Variants in DCDC2C observed in about 807,000 individuals in gnomAD.
The protein encoded by DCDC2C is doublecortin domain-containing protein 2C.
A neutral mutation model predicts 45.0 loss-of-function variants in DCDC2C; 44 were observed. That is an observed-to-expected ratio of 0.98 (90% CI 0.77 to 1.26). The LOEUF is 1.26. Among genes scored for constraint, DCDC2C ranks in the 50% most tolerant of loss-of-function variants. DCDC2C has a pLI of 0.00. For synonymous variants in DCDC2C, 187 were observed against 178.8 expected, an observed-to-expected ratio of 1.05 and a Z score of -0.37; for missense variants, 447 against 468.9, an observed-to-expected ratio of 0.95 and a Z score of 0.43.
intron 2 of DCDC2C, among the ~76,000 whole-genome samples, chr2:3,721,375 GA>G (rs772769261): frequency 1.3e-5 from 2 of 152,140 alleles, no homozygotes; most frequent in Non-Finnish European, 2.9e-5. Flanking sequence ...GAATATATGA[GA>G]GTTGATCAAA....
chr2:3,754,410 C>T (rs1002659166), intron 5 of DCDC2C, among the ~76,000 whole-genome samples, 182 bp from the exon 6 acceptor site: 6 of 152,184 alleles, frequency 3.9e-5, no homozygotes, highest in African/African-American at 1.4e-4. Context: ...TGAACAGATT[C>T]CTGGGGCGTT....
intron 3 of DCDC2C, among the ~76,000 whole-genome samples, chr2:3,741,714 T>TAC (rs939307184): frequency 1.3e-5 from 2 of 149,240 alleles, no homozygotes; most frequent in Admixed American, 1.3e-4. Context: ...CACATAGGTA[T>TAC]ACACACACGC....
chr2:3,782,888 G>A (rs889881414), intron 9 of DCDC2C, among the ~76,000 whole-genome samples: 85 of 152,336 alleles, frequency 5.6e-4, no homozygotes, highest in Non-Finnish European at 5.0e-4. Context: ...AAAGCAATGC[G>A]TAATGGTTTT....
At chr2:3,842,562 G>C (rs575893062) in intron 10 of DCDC2C, among the ~76,000 whole-genome samples, 1 of 150,636 alleles carries the variant, frequency 6.6e-6, no homozygotes, top group Non-Finnish European at 1.5e-5. Context: ...GGAATAGTAT[G>C]TGAGGAAGAT....
chr2:3,835,218 G>A (rs79519270), intron 10 of DCDC2C, among the ~76,000 whole-genome samples: 63 of 152,308 alleles, frequency 4.1e-4, no homozygotes, highest in Non-Finnish European at 5.9e-4. Flanking sequence ...AATGCGGGGC[G>A]TTCCCTTACT....
intron 2 of DCDC2C, among the ~76,000 whole-genome samples, chr2:3,715,499 A>G (rs974912511): frequency 2.0e-5 from 3 of 152,194 alleles, no homozygotes; most frequent in Non-Finnish European, 2.9e-5. Flanking sequence ...TGCTCAGTTA[A>G]TGGGTATGGC....
At chr2:3,842,394 T>G (rs1017240340) in intron 10 of DCDC2C, among the ~76,000 whole-genome samples, 1 of 150,798 alleles carries the variant, frequency 6.6e-6, no homozygotes, top group Non-Finnish European at 1.5e-5. Flanking sequence ...GAAAATGAAT[T>G]GGGAAGGGCT....
At chr2:3,813,066 TA>T (rs59516069) in intron 10 of DCDC2C, among the ~76,000 whole-genome samples, 203 of 29,306 alleles carry the variant, frequency 6.9e-3, no homozygotes, top group African/African-American at 0.037. Context: ...TATATATATA[TA>T]TTTTTTTTTT....
At chr2:3,775,002 T>C (rs1412109911) in intron 8 of DCDC2C, among the ~76,000 whole-genome samples, 1 of 151,970 alleles carries the variant, frequency 6.6e-6, no homozygotes, top group Non-Finnish European at 1.5e-5. Flanking sequence ...GGACCTCAGG[T>C]GATTCACCTG....
chr2:3,733,771 C>T (rs955184054), intron 3 of DCDC2C, among the ~76,000 whole-genome samples: 1 of 152,158 alleles, frequency 6.6e-6, no homozygotes, highest in Non-Finnish European at 1.5e-5. Flanking sequence ...GGCCTCACCT[C>T]TTAATGCTTT....
intron 10 of DCDC2C, among the ~76,000 whole-genome samples, chr2:3,827,335 T>G (rs974244432): frequency 6.6e-6 from 1 of 151,832 alleles, no homozygotes; most frequent in South Asian, 2.1e-4. Context: ...GGGGGTCCAC[T>G]TGGTGTGTTG....
Position 3,759,734 on chromosome 2 carries a change from T to C in DCDC2C, c.726+5100T>C, listed in dbSNP as rs1025060055. On this transcript the variant is annotated intron_variant, in intron 6 of 10. Coordinates refer to ENST00000399143, the MANE Select transcript of DCDC2C (RefSeq NM_001287444.2). ...GAGAGATAATATCCATGCATAAAAGTATTTTCGATGTCAAGTCAAATTCCT... is the reference window on the plus strand; with the variant it reads ...GAGAGATAATATCCATGCATAAAAGCATTTTCGATGTCAAGTCAAATTCCT... 3.9e-5 allele frequency among the ~76,000 whole-genome samples: 6 copies of C among 152,196 alleles called. No individual in the cohort carries two copies. In the South Asian group the frequency reaches 6.2e-4, roughly 16 times the overall value.
chr2:3,813,174 C>T (rs184789753), intron 10 of DCDC2C, among the ~76,000 whole-genome samples: 2 of 151,392 alleles, frequency 1.3e-5, no homozygotes, highest in East Asian at 1.9e-4. Flanking sequence ...CGGGTTCAAG[C>T]GATTCCCTTT....
intron 10 of DCDC2C, among the ~76,000 whole-genome samples, chr2:3,835,771 T>A (rs918403652): frequency 2.6e-5 from 4 of 151,968 alleles, no homozygotes; most frequent in African/African-American, 9.7e-5. Flanking sequence ...CGAGACAGCA[T>A]CTGACTCTGT....
chr2:3,825,905 A>T (rs190242816), intron 10 of DCDC2C, among the ~76,000 whole-genome samples: 32 of 152,294 alleles, frequency 2.1e-4, no homozygotes, highest in Admixed American at 7.2e-4. Flanking sequence ...ATGCCTCAGG[A>T]TCCAGCAGTA....
In DCDC2C at chr2:3,803,893, C is replaced by A. The variant is rs532001622; in HGVS notation, c.1065+18793C>A. On this transcript the variant is annotated intron_variant, in intron 10 of 10. Transcript: ENST00000399143. ...TTCTGACTTCATGTACCCTTGCATG[C>A]AGGTGACTCTTCCGTGTTTTCCCCT... Among the ~76,000 whole-genome samples, 21 of 152,360 alleles carry A rather than the reference C, an allele frequency of 1.4e-4. No homozygotes were observed. The South Asian group carries it at 2.5e-3, about 18-fold the overall frequency.
At chr2:3,742,808 T>C (rs1669255143) in intron 4 of DCDC2C, among the ~76,000 whole-genome samples, 1 of 152,146 alleles carries the variant, frequency 6.6e-6, no homozygotes, top group East Asian at 1.9e-4. Context: ...AGCCCTATTG[T>C]GAGGGAAGTG....
intron 10 of DCDC2C, among the ~76,000 whole-genome samples, chr2:3,813,095 G>A (rs1671456293): frequency 7.4e-6 from 1 of 135,340 alleles, no homozygotes; most frequent in African/African-American, 2.6e-5. Flanking sequence ...TTTTTGAGAT[G>A]GAATCTTGCT....
intron 10 of DCDC2C, among the ~76,000 whole-genome samples, chr2:3,791,164 A>G (rs1234768867): frequency 1.3e-5 from 2 of 152,188 alleles, no homozygotes; most frequent in Admixed American, 6.5e-5. Context: ...CCCTCTATAC[A>G]TAGGAGATTC....
Sources: gnomAD v4.1 joint callset for allele counts (sites outside exome capture counted in the v4.1 genomes callset) on GRCh38, gnomAD v4.1.1 for gene constraint, MANE v1.5 for transcripts, NCBI Gene and HGNC (gene_info 2026-07-23, HGNC 2026-07-21) for gene names.